Variants in CENPQ observed in about 807,000 individuals in gnomAD.
CENPQ encodes chromosome 6 open reading frame 139.
CENPQ carries 27 observed loss-of-function variants against 36.6 expected under a neutral mutation model. The observed-to-expected ratio is 0.74, with a 90% CI of 0.54 to 1.02. The LOEUF is 1.02. CENPQ is among the 50% of genes least tolerant of loss of function. CENPQ has a pLI of 0.00. For missense variants in CENPQ, 306 were observed against 301.8 expected, an observed-to-expected ratio of 1.01 and a Z score of -0.10; for synonymous variants, 101 against 101.7, an observed-to-expected ratio of 0.99 and a Z score of 0.04.
intron 1 of CENPQ, 28 bp from the exon 2 acceptor site, chr6:49,470,131 T>A: frequency 9.5e-7 from 1 of 1,052,618 alleles, no homozygotes; most frequent in Non-Finnish European, 1.4e-6. Flanking sequence ...ATTATTTTCA[T>A]CTTTACAGAT....
chr6:49,472,322 A>G, intron 4 of CENPQ, 139 bp downstream of exon 4: 2 of 674,514 alleles, frequency 3.0e-6, no homozygotes, highest in Admixed American at 3.9e-5. Context: ...AATTAATGTG[A>G]CGGTATTTGC....
At chr6:49,476,469 C>T (rs1382059521) in intron 5 of CENPQ, among the ~76,000 whole-genome samples, 1 of 152,072 alleles carries the variant, frequency 6.6e-6, no homozygotes, top group Non-Finnish European at 1.5e-5. Flanking sequence ...CCATAAAAAC[C>T]CTAGAAGAAA....
chr6:49,470,785 T>C (rs574317101), intron 2 of CENPQ, among the ~76,000 whole-genome samples, 189 bp from the exon 3 acceptor site: 2 of 152,336 alleles, frequency 1.3e-5, no homozygotes, highest in South Asian at 4.1e-4. Flanking sequence ...TTGTCAAGAA[T>C]TGCTTTAGTA....
At chr6:49,470,016 AC>A (rs1206603116) in intron 1 of CENPQ, 142 bp from the exon 2 acceptor site, 4 of 494,836 alleles carry the variant, frequency 8.1e-6, no homozygotes, top group Non-Finnish European at 1.4e-5. Context: ...CTATCCCCAA[AC>A]TTTTATTATG....
chr6:49,486,303 A>G (rs901875612), intron 6 of CENPQ, among the ~76,000 whole-genome samples: 13 of 152,244 alleles, frequency 8.5e-5, no homozygotes, highest in African/African-American at 3.1e-4. Flanking sequence ...GAACCATGAC[A>G]GAATGAATTT....
chr6:49,474,143 G>A (rs1467359898), intron 5 of CENPQ, among the ~76,000 whole-genome samples: 1 of 152,124 alleles, frequency 6.6e-6, no homozygotes, highest in Non-Finnish European at 1.5e-5. Context: ...TACAGTAATT[G>A]AACTCAGCTC....
At position 49,491,436 on chromosome 6, in the gene CENPQ, A is replaced by C. The variant is rs138824707; in HGVS notation, c.676-708A>C. On this transcript the variant is annotated intron_variant, in intron 8 of 8. Transcript: ENST00000335783. Reference sequence around the variant, plus strand: ...ATTTGTATAGTCATAATTGTAGGATACATTTCTAGAAGTAAATACTGACAG... The same window carrying C: ...ATTTGTATAGTCATAATTGTAGGATCCATTTCTAGAAGTAAATACTGACAG... Among the ~76,000 whole-genome samples the C allele has an allele frequency of 5.4e-3, 825 of 152,288 alleles. 5 individuals carry two copies. Among genetic ancestry groups the C allele is most frequent in the Non-Finnish European group, 5.4e-3 (368 of 68,024 alleles).
At chr6:49,491,552 C>G (rs576310395) in intron 8 of CENPQ, among the ~76,000 whole-genome samples, 1 of 152,036 alleles carries the variant, frequency 6.6e-6, no homozygotes, top group South Asian at 2.1e-4. Flanking sequence ...TCCAAGGGCT[C>G]TAGTAGACAT....
At chr6:49,463,760 T>TGTCTG (rs369908890) in intron 1 of CENPQ, among the ~76,000 whole-genome samples, 8 of 152,176 alleles carry the variant, frequency 5.3e-5, no homozygotes, top group African/African-American at 1.4e-4. Flanking sequence ...TGGACATTAG[T>TGTCTG]GTCTGTGTTT....
At chr6:49,490,493 A>G (rs1249280346) in intron 8 of CENPQ, among the ~76,000 whole-genome samples, 6 of 152,224 alleles carry the variant, frequency 3.9e-5, no homozygotes, top group Non-Finnish European at 7.3e-5. Context: ...CATATCAACA[A>G]TAAGGCTGTT....
chr6:49,475,620 G>C (rs1768267913), intron 5 of CENPQ, among the ~76,000 whole-genome samples: 1 of 152,188 alleles, frequency 6.6e-6, no homozygotes, highest in African/African-American at 2.4e-5. Flanking sequence ...ATTAGGAAAA[G>C]AGGAAGTCAA....
intron 8 of CENPQ, among the ~76,000 whole-genome samples, chr6:49,490,008 G>A (rs1348673456): frequency 6.6e-6 from 1 of 152,200 alleles, no homozygotes; most frequent in Non-Finnish European, 1.5e-5. Flanking sequence ...AATGATCAGT[G>A]AGCATTGGCT....
intron 5 of CENPQ, among the ~76,000 whole-genome samples, chr6:49,478,836 C>A (rs1768363588): frequency 6.6e-6 from 1 of 152,064 alleles, no homozygotes; most frequent in African/African-American, 2.4e-5. Context: ...AGAAAGTCTG[C>A]CCTATAGAAA....
intron 2 of CENPQ, 97 bp from the exon 3 acceptor site, chr6:49,470,877 A>G (rs927075400): frequency 6.8e-6 from 4 of 591,220 alleles, no homozygotes; most frequent in African/African-American, 3.8e-5. Context: ...AATTATATGA[A>G]TACTCTTTGA....
In CENPQ at chr6:49,475,778, T is replaced by C. The variant is rs534749469; in HGVS notation, c.347+2920T>C. Among the ~76,000 whole-genome samples, 42 of 152,014 alleles carry C rather than the reference T, an allele frequency of 2.8e-4. 1 individual carries two copies. In the South Asian group the frequency reaches 8.5e-3, roughly 31 times the overall value. On this transcript the variant is annotated intron_variant, in intron 5 of 8. Transcript: ENST00000335783. Reference sequence around the variant, plus strand: ...AATCACAAGCATTCTTATACACCAATAACAGACAAACAGAGAGCCAAATCA... The same window carrying C: ...AATCACAAGCATTCTTATACACCAACAACAGACAAACAGAGAGCCAAATCA...
At position 49,463,439 on chromosome 6, in the gene CENPQ, CAAG is replaced by C. The variant is rs1378451264; in HGVS notation, c.-27_-25del. The C allele has an allele frequency of 2.0e-5, 3 of 152,240 alleles. No individual in the cohort carries two copies. Among genetic ancestry groups the C allele is most frequent in the African/African-American group, 7.2e-5 (3 of 41,438 alleles). The allele number at this position is 152,240 out of a possible 1,614,324, so 9.4% of individuals were successfully genotyped here. A position where few individuals can be genotyped will look rare whatever the true frequency, so the allele number is the denominator to read the frequency against. ...TCTAAGCGCGGCTCTCAGAAGGGTGCAAGAAGAATCAGTGGTGAGTCGTGATAT... is the reference window on the plus strand; with the variant it reads ...TCTAAGCGCGGCTCTCAGAAGGGTGCAAGAATCAGTGGTGAGTCGTGATAT... On this transcript the variant is annotated 5_prime_UTR_variant, in exon 1 of 9. Transcript: ENST00000335783.
At chr6:49,476,580 A>G (rs1397804313) in intron 5 of CENPQ, among the ~76,000 whole-genome samples, 1 of 152,234 alleles carries the variant, frequency 6.6e-6, no homozygotes, top group South Asian at 2.1e-4. Context: ...AATGGGATCT[A>G]ATTAAACTAA....
At position 49,472,197 on chromosome 6, in the gene CENPQ, T is replaced by A; in HGVS notation, c.278+14T>A. 1 of 1,581,918 alleles carries A rather than the reference T, an allele frequency of 6.3e-7. No individual in the cohort carries two copies. The highest frequency in any genetic ancestry group is 1.2e-5 in the South Asian group (1 of 84,860). ...ATCAGTAATAATGTGAGTATAAAAT[T>A]GTTCCATTTCATTCTTTTGGTTCCC... On this transcript the variant is annotated intron_variant, in intron 4 of 8. Coordinates refer to ENST00000335783, the MANE Select transcript of CENPQ (RefSeq NM_018132.4).
At chr6:49,475,479 CAAAAACTGGAAGCATTCCCTTT>C (rs1768263951) in intron 5 of CENPQ, among the ~76,000 whole-genome samples, 1 of 152,134 alleles carries the variant, frequency 6.6e-6, no homozygotes. Context: ...ACTGAATGGG[CAAAAACTGGAAGCATTCCCTTT>C]GAAAACTGGC....
Sources: gnomAD v4.1 joint callset for allele counts (sites outside exome capture counted in the v4.1 genomes callset) on GRCh38, gnomAD v4.1.1 for gene constraint, MANE v1.5 for transcripts, NCBI Gene and HGNC (gene_info 2026-07-23, HGNC 2026-07-21) for gene names.